Variants in LRRC4C observed in about 807,000 individuals in gnomAD.
LRRC4C encodes the protein leucine rich repeat containing 4C.
Under a neutral mutation model 33.6 loss-of-function variants are expected in LRRC4C, and 5 were observed. The observed-to-expected ratio is 0.15, with a 90% CI of 0.08 to 0.31. LRRC4C has a LOEUF of 0.31. LRRC4C is among the 10% of genes least tolerant of loss of function. The probability of loss-of-function intolerance (pLI) is 1.00; values close to 1 mark genes in which losing one functional copy is unlikely to be tolerated. For missense variants in LRRC4C, 560 were observed against 796.7 expected, an observed-to-expected ratio of 0.70 and a Z score of 3.58; for synonymous variants, 329 against 302.0, an observed-to-expected ratio of 1.09 and a Z score of -0.93.
At chr11:40,496,572 A>T (rs1954470137) in intron 3 of LRRC4C, among the ~76,000 whole-genome samples, 1 of 152,068 alleles carries the variant, frequency 6.6e-6, no homozygotes, top group Non-Finnish European at 1.5e-5. Flanking sequence ...CCTACTTAAG[A>T]CTCAGAGGGA....
intron 2 of LRRC4C, among the ~76,000 whole-genome samples, chr11:40,867,461 A>C (rs1293062534): frequency 6.6e-6 from 1 of 152,016 alleles, no homozygotes; most frequent in Non-Finnish European, 1.5e-5. Flanking sequence ...GGTGACTCTT[A>C]AAGTAATTAG....
chr11:41,340,645 GC>G (rs1951603798), intron 1 of LRRC4C, among the ~76,000 whole-genome samples: 1 of 152,110 alleles, frequency 6.6e-6, no homozygotes, highest in South Asian at 2.1e-4. Context: ...ATCTTCCTCT[GC>G]CAGTTATTGG....
chr11:40,609,555 G>C (rs933208529), intron 3 of LRRC4C, among the ~76,000 whole-genome samples: 3 of 151,752 alleles, frequency 2.0e-5, no homozygotes, highest in Non-Finnish European at 4.4e-5. Context: ...ATAAAGGTTA[G>C]AGCAGAAATA....
chr11:40,459,149 A>G (rs1952271740), intron 3 of LRRC4C, among the ~76,000 whole-genome samples: 1 of 152,146 alleles, frequency 6.6e-6, no homozygotes, highest in African/African-American at 2.4e-5. Flanking sequence ...CCTCTTTCAT[A>G]TGCATATACA....
In LRRC4C at chr11:41,433,551, A is replaced by C. The variant is rs564335541; in HGVS notation, c.-496+25880T>G. Among the ~76,000 whole-genome samples, 8 of 152,254 alleles carry C rather than the reference A, an allele frequency of 5.3e-5. No individual in the cohort carries two copies. In the East Asian group the frequency reaches 1.6e-3, roughly 30 times the overall value. On this transcript the variant is annotated intron_variant, in intron 1 of 6. Coordinates refer to ENST00000528697, the MANE Select transcript of LRRC4C (RefSeq NM_001258419.2). Reference sequence around the variant, plus strand: ...GCTGGGGAAAGCAGACCCACCCTGAATCTGGGTGGGCACCATCTAATCAGC... The same window carrying C: ...GCTGGGGAAAGCAGACCCACCCTGACTCTGGGTGGGCACCATCTAATCAGC...
chr11:41,301,843 C>T (rs553114768), intron 1 of LRRC4C, among the ~76,000 whole-genome samples: 1 of 152,234 alleles, frequency 6.6e-6, no homozygotes, highest in South Asian at 2.1e-4. Context: ...GAACGATAAA[C>T]TGCCCTATAT....
chr11:40,912,424 G>A (rs946263450), intron 2 of LRRC4C, among the ~76,000 whole-genome samples: 1 of 152,164 alleles, frequency 6.6e-6, no homozygotes, highest in Non-Finnish European at 1.5e-5. Flanking sequence ...TTCCAACCCA[G>A]AATTTCATAT....
At chr11:40,287,513 A>T (rs1317392789) in intron 4 of LRRC4C, among the ~76,000 whole-genome samples, 2 of 152,166 alleles carry the variant, frequency 1.3e-5, no homozygotes, top group Admixed American at 1.3e-4. Context: ...GGTGCTGAGG[A>T]CATAACAAAA....
intron 2 of LRRC4C, among the ~76,000 whole-genome samples, chr11:40,729,494 G>A (rs61886858): frequency 0.027 from 4,040 of 152,094 alleles, 80 homozygotes; most frequent in Non-Finnish European, 0.04. Context: ...TCCTGATATT[G>A]CCTGAACTCC....
chr11:41,130,562 T>C (rs772728894), intron 1 of LRRC4C, among the ~76,000 whole-genome samples: 1 of 151,996 alleles, frequency 6.6e-6, no homozygotes, highest in Non-Finnish European at 1.5e-5. Context: ...ACCTCAACTA[T>C]GAAATGTTTT....
At chr11:40,683,318 T>C (rs1363420167) in intron 2 of LRRC4C, among the ~76,000 whole-genome samples, 1 of 152,178 alleles carries the variant, frequency 6.6e-6, no homozygotes, top group African/African-American at 2.4e-5. Context: ...CATTAATATA[T>C]GAGAAATCAA....
intron 1 of LRRC4C, among the ~76,000 whole-genome samples, chr11:41,137,403 T>C (rs1478193220): frequency 6.6e-6 from 1 of 152,200 alleles, no homozygotes. Context: ...ACACTATTAT[T>C]ATGTATTTTG....
Position 41,182,415 on chromosome 11 carries a change from T to C in LRRC4C, c.-495-248692A>G, listed in dbSNP as rs183564763. Reference sequence around the variant, plus strand: ...ACCAATTTATCTCTACTGTATACTATGGATTGAAGAGAAAAATCATTATGT... The same window carrying C: ...ACCAATTTATCTCTACTGTATACTACGGATTGAAGAGAAAAATCATTATGT... On this transcript the variant is annotated intron_variant, in intron 1 of 6. Coordinates refer to ENST00000528697, the MANE Select transcript of LRRC4C (RefSeq NM_001258419.2). Among the ~76,000 whole-genome samples, 58 of 152,298 alleles carry C rather than the reference T, an allele frequency of 3.8e-4. No homozygotes were observed. In the East Asian group the frequency reaches 6.9e-3, roughly 18 times the overall value.
At chr11:40,253,598 G>C (rs748336608) in intron 4 of LRRC4C, among the ~76,000 whole-genome samples, 1 of 152,148 alleles carries the variant, frequency 6.6e-6, no homozygotes, top group Non-Finnish European at 1.5e-5. Context: ...CTCTTTAAAG[G>C]ATAAGGGTGA....
chr11:41,102,805 C>T lies in LRRC4C; in HGVS notation c.-495-169082G>A, dbSNP rs1941270904. Among the ~76,000 whole-genome samples the T allele has an allele frequency of 2.0e-5, 3 of 152,032 alleles. No homozygotes were observed. In the South Asian group the frequency reaches 6.2e-4, roughly 32 times the overall value. ...TATGGCATGTGAGATAATAGTTCTGCCACATAAGTTAAGGCATAGGAACAA... is the reference window on the plus strand; with the variant it reads ...TATGGCATGTGAGATAATAGTTCTGTCACATAAGTTAAGGCATAGGAACAA... On this transcript the variant is annotated intron_variant, in intron 1 of 6. Transcript: ENST00000528697.
chr11:40,931,632 C>G (rs529769775), intron 2 of LRRC4C, among the ~76,000 whole-genome samples: 3 of 151,682 alleles, frequency 2.0e-5, no homozygotes, highest in Admixed American at 6.6e-5. Context: ...TCATAATGCA[C>G]TAAAGTAGCC....
intron 1 of LRRC4C, among the ~76,000 whole-genome samples, chr11:41,292,085 C>A (rs12287336): frequency 0.017 from 2,566 of 152,218 alleles, 72 homozygotes; most frequent in African/African-American, 0.058. Flanking sequence ...TGGAACTGAA[C>A]TTTCCTGCTG....
At chr11:40,654,541 G>T (rs1942997469) in intron 2 of LRRC4C, among the ~76,000 whole-genome samples, 1 of 152,128 alleles carries the variant, frequency 6.6e-6, no homozygotes. Flanking sequence ...TTTTGAATGG[G>T]TGTATTTACT....
chr11:40,725,343 A>G (rs977319023), intron 2 of LRRC4C, among the ~76,000 whole-genome samples: 1 of 152,018 alleles, frequency 6.6e-6, no homozygotes, highest in Non-Finnish European at 1.5e-5. Context: ...TGTCTCTACT[A>G]AAAAATAAAA....
Sources: allele counts gnomAD v4.1 joint callset (sites outside exome capture counted in the v4.1 genomes callset), GRCh38; gene constraint gnomAD v4.1.1; transcripts MANE v1.5; gene names NCBI Gene and HGNC (gene_info 2026-07-23, HGNC 2026-07-21).